Variants in PTPRD observed in about 807,000 individuals in gnomAD.
PTPRD encodes protein tyrosine phosphatase receptor type D.
PTPRD carries 34 observed loss-of-function variants against 214.5 expected under a neutral mutation model. That is an observed-to-expected ratio of 0.16 (90% CI 0.12 to 0.21). PTPRD has a LOEUF of 0.21. Ranked by LOEUF, PTPRD falls within the 10% of genes least tolerant of loss-of-function variation. PTPRD has a pLI of 1.00. For synonymous variants in PTPRD, 1,128 were observed against 845.7 expected, an observed-to-expected ratio of 1.33 and a Z score of -5.79; for missense variants, 2,545 against 2,398.7, an observed-to-expected ratio of 1.06 and a Z score of -1.27.
chr9:8,842,584 G>A (rs1309435529), intron 11 of PTPRD, among the ~76,000 whole-genome samples: 1 of 151,988 alleles, frequency 6.6e-6, no homozygotes, highest in African/African-American at 2.4e-5. Flanking sequence ...GAGAGGTAGG[G>A]GGTTAAAGTG....
chr9:8,889,138 A>G (rs2098516093), intron 11 of PTPRD, among the ~76,000 whole-genome samples: 1 of 152,192 alleles, frequency 6.6e-6, no homozygotes, highest in South Asian at 2.1e-4. Flanking sequence ...AGGGAAATGA[A>G]GAGGAGGAGA....
chr9:10,432,544 G>A (rs2098690093), intron 2 of PTPRD, among the ~76,000 whole-genome samples: 1 of 151,690 alleles, frequency 6.6e-6, no homozygotes, highest in Admixed American at 6.6e-5. Flanking sequence ...GGCATCTCTA[G>A]CTCTTAACAC....
intron 43 of PTPRD, among the ~76,000 whole-genome samples, chr9:8,335,623 G>A (rs895575770): frequency 6.6e-6 from 1 of 152,192 alleles, no homozygotes; most frequent in Admixed American, 6.5e-5. Context: ...ATTCAACACA[G>A]TATTGGAAGT....
chr9:8,503,721 G>C (rs1038188229), intron 23 of PTPRD, among the ~76,000 whole-genome samples: 1 of 152,086 alleles, frequency 6.6e-6, no homozygotes, highest in Non-Finnish European at 1.5e-5. Context: ...CAGATTTTCT[G>C]TCAATGTTCC....
At chr9:8,666,865 A>T (rs2097180347) in intron 12 of PTPRD, among the ~76,000 whole-genome samples, 1 of 152,206 alleles carries the variant, frequency 6.6e-6, no homozygotes. Context: ...CCGCCTTCTC[A>T]AACTGATGTA....
chr9:9,366,033 G>A lies in PTPRD; in HGVS notation c.-203+31416C>T, dbSNP rs568221985. On this transcript the variant is annotated intron_variant, in intron 9 of 45. Transcript: ENST00000381196. ...ATATTCTGAGTAAAATTCTGCCATTGAAGTTATCAAAGTTCTGAGGCTACA... is the reference window on the plus strand; with the variant it reads ...ATATTCTGAGTAAAATTCTGCCATTAAAGTTATCAAAGTTCTGAGGCTACA... Among the ~76,000 whole-genome samples, 11 of 151,422 alleles carry A rather than the reference G, an allele frequency of 7.3e-5. No homozygotes were observed. The East Asian group carries it at 2.0e-3, about 27-fold the overall frequency.
chr9:9,971,245 G>A (rs2095082125), intron 4 of PTPRD, among the ~76,000 whole-genome samples: 1 of 152,136 alleles, frequency 6.6e-6, no homozygotes, highest in Non-Finnish European at 1.5e-5. Context: ...TTCAGTCTGA[G>A]TGGTTATCAA....
chr9:9,931,366 C>T (rs145916503), intron 5 of PTPRD, among the ~76,000 whole-genome samples: 2 of 152,088 alleles, frequency 1.3e-5, no homozygotes, highest in South Asian at 2.1e-4. Context: ...TCAGTGGGTG[C>T]GTGCACCGTG....
At chr9:8,658,777 A>T (rs2096967320) in intron 12 of PTPRD, among the ~76,000 whole-genome samples, 1 of 151,974 alleles carries the variant, frequency 6.6e-6, no homozygotes, top group Non-Finnish European at 1.5e-5. Flanking sequence ...ATGAGGCGGT[A>T]TCTATTTCTA....
chr9:9,412,829 A>G (rs1431752517), intron 8 of PTPRD, among the ~76,000 whole-genome samples: 6 of 152,112 alleles, frequency 3.9e-5, no homozygotes, highest in Non-Finnish European at 7.3e-5. Flanking sequence ...TGGTGAACCA[A>G]TATGTTAGCA....
intron 8 of PTPRD, among the ~76,000 whole-genome samples, chr9:9,490,879 T>A (rs1242232996): frequency 7.3e-6 from 1 of 136,808 alleles, no homozygotes. Flanking sequence ...TTATTAGTAA[T>A]TAATATAAAT....
At chr9:10,482,471 G>C (rs1202787866) in intron 2 of PTPRD, among the ~76,000 whole-genome samples, 1 of 151,144 alleles carries the variant, frequency 6.6e-6, no homozygotes, top group Non-Finnish European at 1.5e-5. Flanking sequence ...AATTGGAAAA[G>C]TGGAAATCAA....
Position 8,726,022 on chromosome 9 carries a change from G to GACACACAC in PTPRD, c.64+7757_64+7758insGTGTGTGT, listed in dbSNP as rs772550242. 6.2e-3 allele frequency among the ~76,000 whole-genome samples: 868 copies of GACACACAC among 139,956 alleles called. 7 individuals carry two copies. Among genetic ancestry groups the GACACACAC allele is most frequent in the African/African-American group, 0.023 (824 of 35,628 alleles). The allele number at this position is 139,956 out of a possible 152,430, so 91.8% of individuals were successfully genotyped here. A position where few individuals can be genotyped will look rare whatever the true frequency, so the allele number is the denominator to read the frequency against. On this transcript the variant is annotated intron_variant, in intron 12 of 45. Coordinates refer to ENST00000381196, the MANE Select transcript of PTPRD (RefSeq NM_002839.4). ...TTTCCACATAGCAGACAGACAGACA[G>GACACACAC]ACAGACACACACACACACACACACA...
rs36111167 is a variant in PTPRD, at chr9:9,680,776, GA to G, written c.-287+53756del. On this transcript the variant is annotated intron_variant, in intron 7 of 45. Transcript: ENST00000381196. ...TAACTAACAGAGGAAGAGGAGAAAA[GA>G]AAAAAAAAATTGCTGCTTGAGCTGA... 2.7e-4 allele frequency among the ~76,000 whole-genome samples: 40 copies of G among 149,320 alleles called. 1 individual carries two copies. The highest frequency in any genetic ancestry group is 6.0e-4 in the East Asian group (3 of 5,032).
chr9:8,437,141 G>T, intron 34 of PTPRD: 2 of 1,226,540 alleles, frequency 1.6e-6, no homozygotes, highest in South Asian at 1.4e-5. Flanking sequence ...AAAAGGGAAA[G>T]AGTAGTAGCT....
At chr9:9,117,917 G>T (rs144514432) in intron 10 of PTPRD, among the ~76,000 whole-genome samples, 1 of 152,198 alleles carries the variant, frequency 6.6e-6, no homozygotes, top group African/African-American at 2.4e-5. Context: ...AGGTTTTGTG[G>T]CATCTGAAGT....
chr9:9,301,348 A>G (rs1157099061), intron 9 of PTPRD, among the ~76,000 whole-genome samples: 3 of 151,968 alleles, frequency 2.0e-5, no homozygotes, highest in Non-Finnish European at 2.9e-5. Flanking sequence ...ATAATAAGGT[A>G]GTTTACCTGT....
intron 2 of PTPRD, among the ~76,000 whole-genome samples, chr9:10,458,611 C>T (rs1265656107): frequency 6.6e-6 from 1 of 152,148 alleles, no homozygotes; most frequent in African/African-American, 2.4e-5. Flanking sequence ...AAACTGAAAG[C>T]TTTTCCTTTA....
At chr9:10,488,857 G>A (rs1177813288) in intron 2 of PTPRD, among the ~76,000 whole-genome samples, 1 of 152,080 alleles carries the variant, frequency 6.6e-6, no homozygotes, top group Non-Finnish European at 1.5e-5. Flanking sequence ...CAGGGCAGTG[G>A]GCTCCCCTCT....
Sources: allele counts gnomAD v4.1 joint callset (sites outside exome capture counted in the v4.1 genomes callset), GRCh38; gene constraint gnomAD v4.1.1; transcripts MANE v1.5; gene names NCBI Gene and HGNC (gene_info 2026-07-23, HGNC 2026-07-21).